NRG2: variants seen among roughly 807,000 people sequenced by gnomAD.
NRG2 encodes pro-neuregulin-2, membrane-bound isoform.
NRG2 carries 27 observed loss-of-function variants against 73.9 expected under a neutral mutation model. That is an observed-to-expected ratio of 0.37 (90% CI 0.27 to 0.50). The LOEUF is 0.50. Among genes scored for constraint, NRG2 ranks in the 20% least tolerant of loss-of-function variants. The pLI is 0.96. For synonymous variants in NRG2, 532 were observed against 541.0 expected, an observed-to-expected ratio of 0.98 and a Z score of 0.23; for missense variants, 1,126 against 1,210.1, an observed-to-expected ratio of 0.93 and a Z score of 1.03.
chr5:139,935,999 T>C (rs900502658), intron 1 of NRG2, among the ~76,000 whole-genome samples: 5 of 146,680 alleles, frequency 3.4e-5, no homozygotes, highest in African/African-American at 1.3e-4. Context: ...AAGAAAAACA[T>C]GACAAATCAA....
chr5:139,848,183 G>T lies in NRG2; in HGVS notation c.2287C>A (p.Leu763Met). Reference sequence around the variant, plus strand: ...CCGCCCGAGCCGCTGCTCAGCGACAGCGAGTCCCTCGCCGCCCGTGCGCGC... The same window carrying T: ...CCGCCCGAGCCGCTGCTCAGCGACATCGAGTCCCTCGCCGCCCGTGCGCGC... ...AQRARAARDS[L>M]SLSSGSGGGS... Residue 763 changes from leucine to methionine, a missense_variant, in exon 10 of 10, where the codon CTG (leucine) becomes ATG (methionine). Transcript: ENST00000361474. 7.1e-7 allele frequency: 1 copy of T among 1,402,354 alleles called. No individual in the cohort carries two copies. The highest frequency in any genetic ancestry group is 9.2e-7 in the Non-Finnish European group (1 of 1,083,876). 86.9% of individuals were successfully genotyped at this position (1,402,354 alleles called of 1,614,324 possible). A position where few individuals can be genotyped will look rare whatever the true frequency, so the allele number is the denominator to read the frequency against.
rs1258628500 is a variant in NRG2, at chr5:139,870,145, C to T, written c.1112+1576G>A. Among the ~76,000 whole-genome samples, 1 of 152,176 alleles carries T rather than the reference C, an allele frequency of 6.6e-6. No individual in the cohort carries two copies. Among genetic ancestry groups the T allele is most frequent in the African/African-American group, 2.4e-5 (1 of 41,426 alleles). On this transcript the variant is annotated intron_variant, in intron 4 of 9. Transcript: ENST00000361474. This position sits in a 1 kb window ranked among gnomAD's most constrained non-coding sequence, Gnocchi z 4.4. The stretch of plus-strand genomic sequence containing the variant: ...GGTATTCCAGGACCCTGATGAATTT[C>T]TAGTAGATCTGTTCCAAAGAACTCT...
At chr5:139,933,643 G>A (rs1752638791) in intron 1 of NRG2, among the ~76,000 whole-genome samples, 1 of 152,088 alleles carries the variant, frequency 6.6e-6, no homozygotes, top group Non-Finnish European at 1.5e-5. Flanking sequence ...CACAATCAAA[G>A]CTGGAAATCT....
At chr5:139,991,331 G>T (rs1219672260) in intron 1 of NRG2, among the ~76,000 whole-genome samples, 1 of 151,746 alleles carries the variant, frequency 6.6e-6, no homozygotes, top group Non-Finnish European at 1.5e-5. Context: ...TTTTTCTTTT[G>T]CAGTCAATAT....
intron 1 of NRG2, among the ~76,000 whole-genome samples, chr5:139,931,451 A>G (rs1001249953): frequency 4.6e-5 from 7 of 152,166 alleles, no homozygotes; most frequent in African/African-American, 1.7e-4. Flanking sequence ...GGGTAGGAAG[A>G]GATGAAACAG....
intron 1 of NRG2, among the ~76,000 whole-genome samples, chr5:139,984,828 AG>A (rs1757051400): frequency 6.6e-6 from 1 of 152,238 alleles, no homozygotes; most frequent in Admixed American, 6.5e-5. Context: ...AAGTGTCCTC[AG>A]TCCCATTCTA....
chr5:139,998,358 TATCCA>T (rs1758184922), intron 1 of NRG2, among the ~76,000 whole-genome samples: 1 of 152,190 alleles, frequency 6.6e-6, no homozygotes, highest in Admixed American at 6.5e-5. Flanking sequence ...AACATTTGTA[TATCCA>T]GACCAACCCA....
chr5:139,939,204 TTTCC>T (rs199952110), intron 1 of NRG2, among the ~76,000 whole-genome samples: 74,814 of 133,840 alleles, frequency 0.56, 21,635 homozygotes, highest in Middle Eastern at 0.7. Flanking sequence ...CAAAGATTTC[TTTCC>T]TTCCTTCCTT....
At chr5:139,939,857 CA>C (rs559365797) in intron 1 of NRG2, among the ~76,000 whole-genome samples, 8 of 151,944 alleles carry the variant, frequency 5.3e-5, no homozygotes, top group African/African-American at 1.9e-4. Flanking sequence ...ATAGCAATGG[CA>C]AAAAAAGTAC....
At chr5:139,928,837 C>T (rs1288296853) in intron 1 of NRG2, among the ~76,000 whole-genome samples, 2 of 152,218 alleles carry the variant, frequency 1.3e-5, no homozygotes, top group Non-Finnish European at 2.9e-5. Flanking sequence ...CCAGAGTTGT[C>T]TCTGACTGAC....
chr5:139,858,446 C>T (rs941765146), intron 5 of NRG2, among the ~76,000 whole-genome samples: 9 of 152,210 alleles, frequency 5.9e-5, no homozygotes, highest in Non-Finnish European at 4.4e-5. Context: ...CCCATTACCT[C>T]ATTTTATTTT....
chr5:139,903,508 G>T (rs1180521941), intron 1 of NRG2, among the ~76,000 whole-genome samples: 1 of 152,190 alleles, frequency 6.6e-6, no homozygotes, highest in Non-Finnish European at 1.5e-5. Flanking sequence ...GTGCAAGCCT[G>T]GTTCTACGGA....
At chr5:139,967,959 A>C (rs1421481517) in intron 1 of NRG2, among the ~76,000 whole-genome samples, 1 of 147,076 alleles carries the variant, frequency 6.8e-6, no homozygotes, top group Non-Finnish European at 1.5e-5. Flanking sequence ...ACTCTGTCCC[A>C]AAAAATAAAA....
Position 139,915,548 on chromosome 5 carries a change from G to C in NRG2, c.701-28037C>G, listed in dbSNP as rs751148140. 1.8e-4 allele frequency among the ~76,000 whole-genome samples: 27 copies of C among 152,312 alleles called. No homozygotes were observed. The highest frequency in any genetic ancestry group is 6.2e-4 in the South Asian group (3 of 4,822). On this transcript the variant is annotated intron_variant, in intron 1 of 9. Coordinates refer to ENST00000361474, the MANE Select transcript of NRG2 (RefSeq NM_004883.3). The surrounding 1 kb of genome is among the most constrained non-coding windows in gnomAD (Gnocchi z 4.0). ...AGGAAGGATGCTGAATTCCTCAGAGGAGATTGCTACCAGGATTTTATTCCC... is the reference window on the plus strand; with the variant it reads ...AGGAAGGATGCTGAATTCCTCAGAGCAGATTGCTACCAGGATTTTATTCCC...
intron 1 of NRG2, among the ~76,000 whole-genome samples, chr5:139,996,076 T>C (rs1757991453): frequency 6.6e-6 from 1 of 152,212 alleles, no homozygotes; most frequent in Non-Finnish European, 1.5e-5. Flanking sequence ...ATTTATTTCA[T>C]CCTCAAATGA....
intron 1 of NRG2, among the ~76,000 whole-genome samples, chr5:139,905,896 T>TG (rs34681263): frequency 0.16 from 23,909 of 152,176 alleles, 1,930 homozygotes; most frequent in South Asian, 0.25. Context: ...CCTCAGCCTT[T>TG]GGGGTACTGC....
chr5:139,919,607 T>C (rs1751514404), intron 1 of NRG2, among the ~76,000 whole-genome samples: 1 of 152,106 alleles, frequency 6.6e-6, no homozygotes, highest in African/African-American at 2.4e-5. Context: ...GATACAGCAA[T>C]GTTGAAGACA....
chr5:139,852,963 TC>T lies in NRG2; in HGVS notation c.1356del (p.Ser453AlafsTer77), dbSNP rs1193001538. On this transcript the variant is annotated frameshift_variant, in exon 7 of 10. Transcript: ENST00000361474. LOFTEE classifies it high-confidence loss of function. The surrounding 1 kb of genome is among the most constrained non-coding windows in gnomAD (Gnocchi z 4.4). The stretch of plus-strand genomic sequence containing the variant: ...GGGTGGCTGGGCCCATTGGCCAAGC[TC>T]CGGTTCTGATGGGCCGGGCACATGT... ...RQNMCPAHQN[R>X]SLANGPSHPR... is the part of the protein sequence containing the mutation. The T allele has an allele frequency of 6.2e-7, 1 of 1,612,842 alleles. No individual in the cohort carries two copies. Among genetic ancestry groups the T allele is most frequent in the Non-Finnish European group, 8.5e-7 (1 of 1,179,638 alleles).
At position 140,043,097 on chromosome 5, in the gene NRG2, C is replaced by T; in HGVS notation, c.-28G>A. The T allele has an allele frequency of 6.4e-7, 1 of 1,569,570 alleles. No homozygotes were observed. Among genetic ancestry groups the T allele is most frequent in the Non-Finnish European group, 8.6e-7 (1 of 1,167,512 alleles). On this transcript the variant is annotated 5_prime_UTR_variant, in exon 1 of 10. Transcript: ENST00000361474. This position sits in a 1 kb window ranked among gnomAD's most constrained non-coding sequence, Gnocchi z 6.7. ...GGCCAGGCCATTTGGGGGGCTCCGC[C>T]GCTCAGCCGCCGCCGCCTTGGGAGG...
Sources: allele counts gnomAD v4.1 joint callset (sites outside exome capture counted in the v4.1 genomes callset), GRCh38; gene constraint gnomAD v4.1.1; non-coding constraint Gnocchi (gnomAD v3.1); transcripts MANE v1.5; gene names NCBI Gene and HGNC (gene_info 2026-07-23, HGNC 2026-07-21).